The following CPNE8 variants were observed in gnomAD, a reference collection of about 807,000 sequenced individuals.
CPNE8 encodes copine 8, also known as copine-8.
CPNE8 carries 45 observed loss-of-function variants against 81.5 expected under a neutral mutation model. The ratio of observed to expected loss-of-function variants is 0.55; its 90% CI spans 0.44 to 0.71. The LOEUF is 0.71. Among genes scored for constraint, CPNE8 ranks in the 30% least tolerant of loss-of-function variants. CPNE8 has a pLI of 0.00. For missense variants in CPNE8, 594 were observed against 672.1 expected, an observed-to-expected ratio of 0.88 and a Z score of 1.28; for synonymous variants, 252 against 226.3, an observed-to-expected ratio of 1.11 and a Z score of -1.02.
At chr12:38,871,667 A>G (rs1007185394) in intron 3 of CPNE8, among the ~76,000 whole-genome samples, 2 of 152,244 alleles carry the variant, frequency 1.3e-5, no homozygotes. Flanking sequence ...AATTCATAGC[A>G]CTGGATGACA....
chr12:38,665,871 G>A (rs1939048281), intron 19 of CPNE8, among the ~76,000 whole-genome samples: 1 of 152,006 alleles, frequency 6.6e-6, no homozygotes, highest in African/African-American at 2.4e-5. Flanking sequence ...CAGTAAGCAG[G>A]ATGGTTATTA....
intron 16 of CPNE8, among the ~76,000 whole-genome samples, chr12:38,680,353 A>G (rs371184069): frequency 3.9e-5 from 6 of 152,148 alleles, no homozygotes; most frequent in African/African-American, 1.4e-4. Flanking sequence ...TTAACAATGA[A>G]TAAAGGAATA....
At chr12:38,788,244 C>A (rs1942241807) in intron 6 of CPNE8, among the ~76,000 whole-genome samples, 1 of 151,794 alleles carries the variant, frequency 6.6e-6, no homozygotes, top group African/African-American at 2.4e-5. Flanking sequence ...TTCAACAATA[C>A]ATTAAGAAGA....
intron 1 of CPNE8, among the ~76,000 whole-genome samples, chr12:38,895,172 T>A (rs527581357): frequency 5.9e-5 from 9 of 152,206 alleles, no homozygotes; most frequent in Non-Finnish European, 8.8e-5. Context: ...ACAATTCATA[T>A]AGCTCAGAAT....
chr12:38,796,492 C>G (rs1455950254), intron 6 of CPNE8, among the ~76,000 whole-genome samples: 2 of 152,154 alleles, frequency 1.3e-5, no homozygotes, highest in South Asian at 2.1e-4. Context: ...AAGAAAAAGT[C>G]ATACTCTGGG....
At position 38,787,715 on chromosome 12, in the gene CPNE8, A is replaced by G. The variant is rs2136920633; in HGVS notation, c.408-11414T>C. Among the ~76,000 whole-genome samples the G allele has an allele frequency of 2.6e-5, 4 of 151,816 alleles. No homozygotes were observed. In the South Asian group the frequency reaches 8.3e-4, roughly 31 times the overall value. ...CAAACCTTTAGGCAGACTAATAAAT[A>G]AAAAGAGAAGAGCCAAATAAATAAA... On this transcript the variant is annotated intron_variant, in intron 6 of 19. Coordinates refer to ENST00000331366, the MANE Select transcript of CPNE8 (RefSeq NM_153634.3).
intron 4 of CPNE8, among the ~76,000 whole-genome samples, chr12:38,845,499 C>T (rs1454540674): frequency 1.3e-5 from 2 of 151,896 alleles, no homozygotes; most frequent in Admixed American, 6.6e-5. Flanking sequence ...ATTTGTATTG[C>T]CTACTTTAAT....
chr12:38,797,921 A>G (rs10783391), intron 6 of CPNE8, among the ~76,000 whole-genome samples: 104,971 of 152,008 alleles, frequency 0.69, 39,515 homozygotes, highest in Non-Finnish European at 0.85. Context: ...TCAGGAGCTG[A>G]TGTGATCAAC....
At chr12:38,789,929 G>A (rs746730731) in intron 6 of CPNE8, among the ~76,000 whole-genome samples, 13 of 151,462 alleles carry the variant, frequency 8.6e-5, no homozygotes, top group Non-Finnish European at 1.9e-4. Flanking sequence ...GGCTTATATC[G>A]GAATGACGGG....
intron 1 of CPNE8, among the ~76,000 whole-genome samples, chr12:38,902,419 A>G (rs5797598): frequency 0.3 from 30,055 of 99,480 alleles, 5,863 homozygotes; most frequent in Non-Finnish European, 0.37. Flanking sequence ...AAGAAAGAAA[A>G]AGAAAGAAAG....
intron 14 of CPNE8, among the ~76,000 whole-genome samples, chr12:38,695,704 T>A (rs966661929): frequency 6.6e-6 from 1 of 152,140 alleles, no homozygotes; most frequent in Non-Finnish European, 1.5e-5. Context: ...TCTGGGAGGC[T>A]GAGGCAGGTG....
At chr12:38,879,940 C>G (rs1040712365) in intron 1 of CPNE8, among the ~76,000 whole-genome samples, 1 of 151,924 alleles carries the variant, frequency 6.6e-6, no homozygotes, top group Non-Finnish European at 1.5e-5. Context: ...AGAAGTGAAA[C>G]AACACATTAA....
Position 38,847,740 on chromosome 12 carries a change from C to G in CPNE8, c.290+819G>C, listed in dbSNP as rs536842491. Among the ~76,000 whole-genome samples the G allele has an allele frequency of 5.9e-5, 9 of 152,138 alleles. No homozygotes were observed. The Middle Eastern group carries it at 0.024, about 402-fold the overall frequency. On this transcript the variant is annotated intron_variant, in intron 4 of 19. Coordinates refer to ENST00000331366, the MANE Select transcript of CPNE8 (RefSeq NM_153634.3). ...AGCTGTTATTTTTTACATTATGAAG[C>G]AAATTATGACTTTTTCAAATAAGAT...
intron 19 of CPNE8, among the ~76,000 whole-genome samples, chr12:38,654,628 C>T (rs1032245075): frequency 1.3e-5 from 2 of 151,860 alleles, no homozygotes; most frequent in Admixed American, 6.6e-5. Flanking sequence ...GTTTTTCCTC[C>T]AATAACTCAT....
intron 19 of CPNE8, among the ~76,000 whole-genome samples, chr12:38,655,102 ATATAT>A (rs1938788556): frequency 6.6e-6 from 1 of 152,194 alleles, no homozygotes; most frequent in African/African-American, 2.4e-5. Flanking sequence ...TTCTAACAAC[ATATAT>A]TAGGTTGGAA....
Position 38,676,358 on chromosome 12 carries a change from C to A in CPNE8, c.1375-584G>T. 5.3e-6 allele frequency: 5 copies of A among 949,710 alleles called. No individual in the cohort carries two copies. The South Asian group carries it at 2.4e-4, about 46-fold the overall frequency. The allele number at this position is 949,710 out of a possible 1,614,324, so 58.8% of individuals were successfully genotyped here. A position where few individuals can be genotyped will look rare whatever the true frequency, so the allele number is the denominator to read the frequency against. ...GTAAGATCAAATAGAAGGTAAGGAG[C>A]ATCTACTTCCACTTTCTACTCTCAG... On this transcript the variant is annotated intron_variant, in intron 17 of 19. Coordinates refer to ENST00000331366, the MANE Select transcript of CPNE8 (RefSeq NM_153634.3).
At chr12:38,765,138 T>C (rs184295210) in intron 8 of CPNE8, among the ~76,000 whole-genome samples, 12 of 152,352 alleles carry the variant, frequency 7.9e-5, no homozygotes, top group Admixed American at 7.8e-4. Flanking sequence ...CATTCTCATT[T>C]CTAATGTATT....
intron 6 of CPNE8, among the ~76,000 whole-genome samples, chr12:38,788,821 T>C (rs1201467979): frequency 1.3e-5 from 2 of 151,550 alleles, no homozygotes; most frequent in Non-Finnish European, 3.0e-5. Flanking sequence ...AAGTGAATAA[T>C]TTGAAAAAGA....
At chr12:38,874,909 T>C (rs1944045738) in intron 1 of CPNE8, among the ~76,000 whole-genome samples, 1 of 152,188 alleles carries the variant, frequency 6.6e-6, no homozygotes, top group Non-Finnish European at 1.5e-5. Context: ...GCAAAATTGT[T>C]TGCAGTTCAG....
Sources: gnomAD v4.1 joint callset for allele counts (sites outside exome capture counted in the v4.1 genomes callset) on GRCh38, gnomAD v4.1.1 for gene constraint, MANE v1.5 for transcripts, NCBI Gene and HGNC (gene_info 2026-07-23, HGNC 2026-07-21) for gene names.